The following NLGN1 variants were observed in gnomAD, a reference collection of about 807,000 sequenced individuals.
The protein encoded by NLGN1 is neuroligin 1, also known as neuroligin-1.
In NLGN1, 12 loss-of-function variants were observed where a neutral mutation model predicts 65.5. That is an observed-to-expected ratio of 0.18 (90% confidence interval 0.12 to 0.30). The LOEUF (loss-of-function observed/expected upper bound fraction) is 0.30, where lower values mean the gene tolerates loss of function less well. Among genes scored for constraint, NLGN1 ranks in the 10% least tolerant of loss-of-function variants. The pLI is 1.00. For missense variants in NLGN1, 750 were observed against 1,007.1 expected, an observed-to-expected ratio of 0.74 and a Z score of 3.46; for synonymous variants, 350 against 359.5, an observed-to-expected ratio of 0.97 and a Z score of 0.30.
intron 4 of NLGN1, among the ~76,000 whole-genome samples, chr3:173,877,172 A>C (rs1732285287): frequency 6.6e-6 from 1 of 152,178 alleles, no homozygotes; most frequent in South Asian, 2.1e-4. Context: ...CTAGTACATA[A>C]AGTGATCAAA....
intron 4 of NLGN1, among the ~76,000 whole-genome samples, chr3:174,071,530 A>C (rs1426521645): frequency 1.3e-5 from 2 of 152,050 alleles, no homozygotes; most frequent in South Asian, 2.1e-4. Flanking sequence ...AAAACAAAAC[A>C]AAACCAAAAC....
At chr3:173,539,376 G>A (rs1577167037) in intron 2 of NLGN1, among the ~76,000 whole-genome samples, 1 of 145,328 alleles carries the variant, frequency 6.9e-6, no homozygotes, top group East Asian at 2.0e-4. Flanking sequence ...TCATATATAT[G>A]TGTATATATA....
chr3:173,656,376 G>T (rs1367035884), intron 3 of NLGN1, among the ~76,000 whole-genome samples: 1 of 151,984 alleles, frequency 6.6e-6, no homozygotes, highest in African/African-American at 2.4e-5. Context: ...GCATCCATTG[G>T]GTGGTTCCTA....
At chr3:174,291,061 G>A (rs491815), downstream of NLGN1, among the ~76,000 whole-genome samples, 79,012 of 149,954 alleles carry the variant, frequency 0.53, 21,613 homozygotes, top group East Asian at 0.69. Flanking sequence ...CTAAATTAAA[G>A]GAAATGCAGA....
At chr3:173,758,188 G>A (rs1224766602) in intron 3 of NLGN1, among the ~76,000 whole-genome samples, 2 of 152,030 alleles carry the variant, frequency 1.3e-5, no homozygotes, top group African/African-American at 2.4e-5. Context: ...GAAGATGCCT[G>A]TCTGCAAGGC....
intron 4 of NLGN1, among the ~76,000 whole-genome samples, chr3:173,822,131 T>A (rs1720439253): frequency 6.6e-6 from 1 of 152,170 alleles, no homozygotes; most frequent in African/African-American, 2.4e-5. Context: ...ACTTTATATG[T>A]TGGGGACAGT....
intron 2 of NLGN1, among the ~76,000 whole-genome samples, chr3:173,541,656 T>C (rs1738884509): frequency 6.6e-6 from 1 of 152,288 alleles, no homozygotes; most frequent in African/African-American, 2.4e-5. Flanking sequence ...TCTTTGCCTA[T>C]CTAAAAATGT....
chr3:173,499,939 C>T lies in NLGN1; in HGVS notation c.-321+64861C>T, dbSNP rs1345611723. On this transcript the variant is annotated intron_variant, in intron 2 of 6. Transcript: ENST00000457714. ...AGACTTTGCTGAAATTGCCTATCAG[C>T]TTAAGATTTTGGGCTGAGAAATGGG... Among the ~76,000 whole-genome samples, 4 of 151,636 alleles carry T rather than the reference C, an allele frequency of 2.6e-5. 1 individual carries two copies. Among genetic ancestry groups the T allele is most frequent in the African/African-American group, 9.7e-5 (4 of 41,076 alleles).
intron 2 of NLGN1, among the ~76,000 whole-genome samples, chr3:173,519,721 T>A (rs1006819469): frequency 8.6e-5 from 13 of 151,574 alleles, no homozygotes; most frequent in South Asian, 2.1e-4. Context: ...TTTTTTTTTT[T>A]ATTTTACACC....
chr3:174,275,192 A>AT (rs1352589079), intron 4 of NLGN1, 123 bp from the exon 5 acceptor site: 2 of 673,878 alleles, frequency 3.0e-6, no homozygotes, highest in Admixed American at 2.9e-5. Flanking sequence ...GTGGAAAATA[A>AT]TTTTTACTAA....
intron 3 of NLGN1, among the ~76,000 whole-genome samples, chr3:173,693,233 AG>A (rs1765729226): frequency 6.6e-6 from 1 of 152,120 alleles, no homozygotes; most frequent in African/African-American, 2.4e-5. Context: ...CCTTCTATAA[AG>A]TTAGTCCTTC....
chr3:173,539,723 T>C (rs1408921638), intron 2 of NLGN1, among the ~76,000 whole-genome samples: 2 of 126,876 alleles, frequency 1.6e-5, no homozygotes, highest in Non-Finnish European at 3.3e-5. Flanking sequence ...TATGTACATA[T>C]GCACATATAT....
chr3:173,480,651 T>A (rs566731199), intron 2 of NLGN1, among the ~76,000 whole-genome samples: 143 of 152,272 alleles, frequency 9.4e-4, no homozygotes, highest in Non-Finnish European at 1.0e-3. Flanking sequence ...GTAAATTTTT[T>A]AATTAATCAA....
chr3:174,132,407 C>A (rs1720382296), intron 4 of NLGN1, among the ~76,000 whole-genome samples: 1 of 152,110 alleles, frequency 6.6e-6, no homozygotes, highest in Non-Finnish European at 1.5e-5. Flanking sequence ...TGTTTCTTTT[C>A]TTTTAATAGG....
intron 4 of NLGN1, among the ~76,000 whole-genome samples, chr3:174,157,198 C>A (rs2152713725): frequency 6.6e-6 from 1 of 151,486 alleles, no homozygotes; most frequent in Non-Finnish European, 1.5e-5. Flanking sequence ...GTGCTGTGAA[C>A]AAGATTTTTA....
chr3:173,993,981 TGTC>T (rs941806130), intron 4 of NLGN1, among the ~76,000 whole-genome samples: 5 of 152,110 alleles, frequency 3.3e-5, no homozygotes, highest in Non-Finnish European at 7.4e-5. Context: ...GCAAATTCTT[TGTC>T]GTCTCATATT....
intron 2 of NLGN1, among the ~76,000 whole-genome samples, chr3:173,518,530 A>ATGTG (rs144033200): frequency 3.3e-4 from 49 of 148,762 alleles, no homozygotes; most frequent in African/African-American, 6.6e-4. Context: ...GAGTATGTGT[A>ATGTG]TGTGTGTGTG....
intron 3 of NLGN1, among the ~76,000 whole-genome samples, chr3:173,673,149 C>A (rs141298134): frequency 6.6e-6 from 1 of 152,200 alleles, no homozygotes; most frequent in African/African-American, 2.4e-5. Context: ...CATGAAAAAT[C>A]TGATAACCAT....
chr3:173,673,684 C>T (rs77025209), intron 3 of NLGN1, among the ~76,000 whole-genome samples: 2,462 of 152,224 alleles, frequency 0.016, 79 homozygotes, highest in African/African-American at 0.057. Context: ...TACAACTAAA[C>T]ATCACAATGC....
Sources: gnomAD v4.1 joint callset for allele counts (sites outside exome capture counted in the v4.1 genomes callset) on GRCh38, gnomAD v4.1.1 for gene constraint, MANE v1.5 for transcripts, NCBI Gene and HGNC (gene_info 2026-07-23, HGNC 2026-07-21) for gene names.